AP4E1: variants seen among roughly 807,000 people sequenced by gnomAD.
The protein encoded by AP4E1 is adaptor related protein complex 4 subunit epsilon 1.
In AP4E1, 56 loss-of-function variants were observed where a neutral mutation model predicts 128.2. That is an observed-to-expected ratio of 0.44 (90% CI 0.35 to 0.55). AP4E1 has a LOEUF of 0.55. Among genes scored for constraint, AP4E1 ranks in the 20% least tolerant of loss-of-function variants. The pLI is 0.00. For synonymous variants in AP4E1, 484 were observed against 473.1 expected, an observed-to-expected ratio of 1.02 and a Z score of -0.30; for missense variants, 1,324 against 1,307.7, an observed-to-expected ratio of 1.01 and a Z score of -0.19.
Position 50,941,713 on chromosome 15 carries a change from C to T in AP4E1, c.1114C>T (p.Leu372Phe), listed in dbSNP as rs370300549. The T allele has an allele frequency of 6.8e-5, 109 of 1,613,516 alleles. No homozygotes were observed. Among genetic ancestry groups the T allele is most frequent in the Non-Finnish European group, 8.8e-5 (104 of 1,179,690 alleles). ...YVIQQDPTLALQHQMTIIECL... is the reference protein window; with the variant it reads ...YVIQQDPTLAFQHQMTIIECL... ...TATCCAACAGGATCCTACTCTGGCT[C>T]TTCAACACCAGATGACAATAATTGA... The change falls in exon 10 of 21, where the codon CTT (leucine) becomes TTT (phenylalanine). Residue 372 changes from leucine (L) to phenylalanine (F), a missense_variant. Physicochemically the swap from Leu to Phe is conservative, Grantham distance 22. Coordinates refer to ENST00000261842, the MANE Select transcript of AP4E1 (RefSeq NM_007347.5).
chr15:50,909,072 C>A (rs1022498928), intron 1 of AP4E1, 144 bp downstream of exon 1: 7 of 1,354,086 alleles, frequency 5.2e-6, no homozygotes, highest in African/African-American at 3.0e-5. Context: ...TTCGTCCTTT[C>A]GTCTGCCTGG....
chr15:50,975,080 C>T (rs62018164), intron 15 of AP4E1, among the ~76,000 whole-genome samples: 17,634 of 152,068 alleles, frequency 0.12, 1,407 homozygotes, highest in Middle Eastern at 0.2. Flanking sequence ...GTGTCATATC[C>T]ATGAAATTAT....
intron 15 of AP4E1, among the ~76,000 whole-genome samples, chr15:50,973,416 G>A (rs2064509710): frequency 2.6e-5 from 4 of 151,600 alleles, no homozygotes; most frequent in Admixed American, 2.6e-4. Context: ...TTATTTTATT[G>A]TGGTTAAGAA....
intron 3 of AP4E1, chr15:50,915,892 CT>C (rs2063625013): frequency 4.0e-6 from 1 of 252,944 alleles, no homozygotes; most frequent in African/African-American, 2.3e-5. Context: ...ATAAAGCTGA[CT>C]TTTTTGTATA....
At chr15:50,935,594 C>T (rs1317848064) in intron 8 of AP4E1, among the ~76,000 whole-genome samples, 1 of 152,134 alleles carries the variant, frequency 6.6e-6, no homozygotes, top group Non-Finnish European at 1.5e-5. Context: ...TGGAGGACAA[C>T]AGTAGAAGAG....
chr15:50,947,273 G>C (rs1438789609), intron 10 of AP4E1, among the ~76,000 whole-genome samples: 1 of 151,710 alleles, frequency 6.6e-6, no homozygotes, highest in African/African-American at 2.4e-5. Context: ...AAAATTAGCT[G>C]GGCATGGTGG....
intron 10 of AP4E1, among the ~76,000 whole-genome samples, chr15:50,947,102 A>AAAAAG (rs2064072624): frequency 6.6e-6 from 1 of 152,020 alleles, no homozygotes; most frequent in Non-Finnish European, 1.5e-5. Context: ...TCTCAAGAAA[A>AAAAAG]AAAAGAAAAG....
At chr15:50,971,634 T>A (rs55735813) in intron 15 of AP4E1, among the ~76,000 whole-genome samples, 2,880 of 152,172 alleles carry the variant, frequency 0.019, 110 homozygotes, top group African/African-American at 0.065. Context: ...TTCATTTTTT[T>A]AAAAATTATT....
At chr15:50,957,275 G>A (rs1025419927) in intron 13 of AP4E1, among the ~76,000 whole-genome samples, 5 of 152,154 alleles carry the variant, frequency 3.3e-5, no homozygotes, top group Admixed American at 6.5e-5. Context: ...CTGGGGCAGT[G>A]AAGGTAATGT....
chr15:50,944,810 G>A, intron 10 of AP4E1: 1 of 699,302 alleles, frequency 1.4e-6, no homozygotes, highest in East Asian at 2.5e-5. Flanking sequence ...CTACCAAAAT[G>A]GAATGAGTAT....
At chr15:50,975,301 A>G (rs924885096) in intron 15 of AP4E1, among the ~76,000 whole-genome samples, 21 of 152,202 alleles carry the variant, frequency 1.4e-4, no homozygotes, top group African/African-American at 4.8e-4. Flanking sequence ...GCTACTTGAG[A>G]GGCTGAGGCA....
rs1408360231 is a variant in AP4E1 at position 50,929,065 on chromosome 15, C to A, written c.599C>A (p.Pro200His). The change falls in exon 6 of 21, where the codon CCT (proline) becomes CAT (histidine). Residue 200 changes from proline to histidine, a missense_variant. Coordinates refer to ENST00000261842, the MANE Select transcript of AP4E1 (RefSeq NM_007347.5). ...TTATACAAATTCCATCTCATTGCTC[C>A]TAATCAAGTACAACATATTCATATT... Reference protein sequence around the residue: ...LALYKFHLIAPNQVQHIHIKF... With the variant: ...LALYKFHLIAHNQVQHIHIKF... 1.9e-6 allele frequency: 3 copies of A among 1,613,648 alleles called. No homozygotes were observed. The highest frequency in any genetic ancestry group is 1.6e-4 in the Middle Eastern group (1 of 6,080).
intron 20 of AP4E1, 92 bp from the exon 21 acceptor site, chr15:51,002,410 A>T: frequency 7.4e-7 from 1 of 1,359,798 alleles, no homozygotes; most frequent in Non-Finnish European, 1.0e-6. Context: ...GTATCTTTTC[A>T]TGTGCTTATT....
intron 8 of AP4E1, among the ~76,000 whole-genome samples, chr15:50,935,861 T>C (rs1217162759): frequency 2.0e-5 from 3 of 152,188 alleles, no homozygotes; most frequent in African/African-American, 7.2e-5. Context: ...AGAAAAATAA[T>C]GCACATGGTA....
chr15:50,945,904 C>T (rs868850748), intron 10 of AP4E1: 68 of 1,164,104 alleles, frequency 5.8e-5, no homozygotes, highest in South Asian at 7.5e-5. Context: ...AGAAGCTCGT[C>T]GAAGAAAGGA....
At chr15:50,954,593 G>C (rs1278630631) in intron 13 of AP4E1, among the ~76,000 whole-genome samples, 1 of 152,050 alleles carries the variant, frequency 6.6e-6, no homozygotes, top group Non-Finnish European at 1.5e-5. Flanking sequence ...TTTCTAGTTT[G>C]CTTTCATTGT....
chr15:50,973,663 A>G (rs1027407062), intron 15 of AP4E1, among the ~76,000 whole-genome samples: 3 of 152,200 alleles, frequency 2.0e-5, no homozygotes, highest in African/African-American at 7.2e-5. Context: ...AAGTGGACCC[A>G]TGCAATATTT....
At chr15:50,968,464 T>C (rs554256959) in intron 15 of AP4E1, 87 bp downstream of exon 15, 2 of 967,604 alleles carry the variant, frequency 2.1e-6, no homozygotes, top group African/African-American at 3.3e-5. Flanking sequence ...ATAAAGATAT[T>C]TACTTTCTAT....
At chr15:50,970,445 C>T (rs886605672) in intron 15 of AP4E1, among the ~76,000 whole-genome samples, 7 of 152,170 alleles carry the variant, frequency 4.6e-5, no homozygotes, top group Admixed American at 4.6e-4. Context: ...ATAATTCGTT[C>T]AATACTGAAA....
Sources: allele counts gnomAD v4.1 joint callset (sites outside exome capture counted in the v4.1 genomes callset), GRCh38; gene constraint gnomAD v4.1.1; transcripts MANE v1.5; gene names NCBI Gene and HGNC (gene_info 2026-07-23, HGNC 2026-07-21).